The following NEDD4L variants were observed in gnomAD, a reference collection of about 807,000 sequenced individuals.
NEDD4L encodes NEDD4 like E3 ubiquitin protein ligase, also known as E3 ubiquitin-protein ligase NEDD4-like.
Under a neutral mutation model 148.9 loss-of-function variants are expected in NEDD4L, and 54 were observed. That is an observed-to-expected ratio of 0.36 (90% CI 0.29 to 0.45). The LOEUF (loss-of-function observed/expected upper bound fraction) is 0.45. NEDD4L is among the 20% of genes least tolerant of loss of function. The pLI is 1.00. For synonymous variants in NEDD4L, 433 were observed against 440.7 expected, an observed-to-expected ratio of 0.98 and a Z score of 0.22; for missense variants, 856 against 1,233.8, an observed-to-expected ratio of 0.69 and a Z score of 4.59.
chr18:58,051,947 T>C (rs1159068552), intron 1 of NEDD4L, among the ~76,000 whole-genome samples: 3 of 152,216 alleles, frequency 2.0e-5, no homozygotes, highest in African/African-American at 4.8e-5. Flanking sequence ...ATTTCAAATG[T>C]ATTTCATTTT....
At chr18:58,132,849 A>G (rs981450367) in intron 1 of NEDD4L, among the ~76,000 whole-genome samples, 2 of 152,196 alleles carry the variant, frequency 1.3e-5, no homozygotes, top group South Asian at 4.1e-4. Flanking sequence ...TTCAAATGCA[A>G]TGGATGGAAA....
chr18:58,291,161 GTCACACAGAGAACCAGGCCGACCAA>G (rs1323642044), intron 5 of NEDD4L, among the ~76,000 whole-genome samples: 10 of 150,128 alleles, frequency 6.7e-5, no homozygotes, highest in African/African-American at 2.5e-4. Context: ...AGCCCACATG[GTCACACAGAGAACCAGGCCGACCAA>G]CCCACATGGT....
intron 18 of NEDD4L, among the ~76,000 whole-genome samples, chr18:58,355,788 A>C (rs961493725): frequency 1.4e-5 from 2 of 147,658 alleles, no homozygotes; most frequent in African/African-American, 5.0e-5. Context: ...TAGAATCATC[A>C]CTTGCTTTGG....
At chr18:58,361,607 T>C (rs1182016343) in intron 19 of NEDD4L, among the ~76,000 whole-genome samples, 1 of 152,190 alleles carries the variant, frequency 6.6e-6, no homozygotes, top group East Asian at 1.9e-4. Flanking sequence ...GATGCGCTGG[T>C]GTCACTGATG....
At chr18:58,094,187 T>C (rs7240364) in intron 1 of NEDD4L, among the ~76,000 whole-genome samples, 4,077 of 151,812 alleles carry the variant, frequency 0.027, 187 homozygotes, top group African/African-American at 0.092. Context: ...TTTTTAATTT[T>C]TCTTTTCTTT....
At chr18:58,356,132 A>G (rs543489410) in intron 18 of NEDD4L, among the ~76,000 whole-genome samples, 13 of 151,046 alleles carry the variant, frequency 8.6e-5, no homozygotes, top group African/African-American at 3.2e-4. Context: ...TTTTTTTTTA[A>G]CCTTTTGTAG....
At chr18:58,142,296 C>A (rs2033636995) in intron 1 of NEDD4L, among the ~76,000 whole-genome samples, 1 of 151,256 alleles carries the variant, frequency 6.6e-6, no homozygotes. Flanking sequence ...GATCCACCTG[C>A]CTCGACCTCC....
intron 2 of NEDD4L, among the ~76,000 whole-genome samples, chr18:58,223,493 T>G (rs1599876551): frequency 6.6e-6 from 1 of 152,214 alleles, no homozygotes; most frequent in African/African-American, 2.4e-5. Context: ...GGAGCTTTTG[T>G]GGTCTTGACG....
intron 5 of NEDD4L, among the ~76,000 whole-genome samples, chr18:58,314,165 C>G (rs1049289428): frequency 6.6e-6 from 1 of 152,080 alleles, no homozygotes; most frequent in Admixed American, 6.6e-5. Flanking sequence ...ACCTGTAATC[C>G]TAGCACTTTG....
rs1383860213 is a variant in NEDD4L at position 58,395,185 on chromosome 18, A to G, written c.2826-982A>G. ...TCTTACGTCATAATGAGCTGTGGCA[A>G]GTGTGCATGCCATTTTCATGACAGA... On this transcript the variant is annotated intron_variant, in intron 30 of 30. Coordinates refer to ENST00000400345, the MANE Select transcript of NEDD4L (RefSeq NM_001144967.3). Among the ~76,000 whole-genome samples, 3 of 152,190 alleles carry G rather than the reference A, an allele frequency of 2.0e-5. No individual in the cohort carries two copies. In the South Asian group the frequency reaches 6.2e-4, roughly 32 times the overall value.
chr18:58,142,219 T>A (rs550966518), intron 1 of NEDD4L, among the ~76,000 whole-genome samples: 20 of 129,438 alleles, frequency 1.5e-4, no homozygotes, highest in African/African-American at 5.2e-4. Context: ...GCTAATTTTT[T>A]TTTTATTTTT....
chr18:58,370,337 G>T (rs899874793), intron 22 of NEDD4L, 60 bp from the exon 23 acceptor site: 6 of 1,005,322 alleles, frequency 6.0e-6, no homozygotes, highest in South Asian at 1.3e-5. Context: ...TTTCTTTCAT[G>T]CTCTGATACA....
intron 19 of NEDD4L, among the ~76,000 whole-genome samples, chr18:58,363,132 T>C (rs1287467896): frequency 6.6e-6 from 1 of 152,180 alleles, no homozygotes; most frequent in Admixed American, 6.5e-5. Flanking sequence ...AGCAAAACAC[T>C]GACGTGCTCA....
At chr18:58,050,864 T>A in intron 1 of NEDD4L, among the ~76,000 whole-genome samples, 1 of 152,204 alleles carries the variant, frequency 6.6e-6, no homozygotes, top group East Asian at 1.9e-4. Flanking sequence ...CAGAATGCAA[T>A]TCAAATGAAA....
intron 13 of NEDD4L, among the ~76,000 whole-genome samples, chr18:58,338,223 C>T (rs945492217): frequency 6.6e-5 from 10 of 152,208 alleles, no homozygotes; most frequent in East Asian, 3.8e-4. Context: ...TAAACTAAGT[C>T]GCCATTTCTA....
chr18:58,322,406 T>G lies in NEDD4L; in HGVS notation c.349-19T>G, dbSNP rs756993669. 4 of 1,553,178 alleles carry G rather than the reference T, an allele frequency of 2.6e-6. No homozygotes were observed. The South Asian group carries it at 3.4e-5, about 13-fold the overall frequency. On this transcript the variant is annotated intron_variant, in intron 6 of 30. Transcript: ENST00000400345. ...TTATTAGGAATATTAAAATTTAATTTACTGTTTTTTCCCCACAGACAGAAG... is the reference window on the plus strand; with the variant it reads ...TTATTAGGAATATTAAAATTTAATTGACTGTTTTTTCCCCACAGACAGAAG...
intron 6 of NEDD4L, among the ~76,000 whole-genome samples, chr18:58,318,597 T>C (rs1244309240): frequency 6.6e-6 from 1 of 152,264 alleles, no homozygotes; most frequent in Non-Finnish European, 1.5e-5. Context: ...TAGCTGTAAC[T>C]GTACCATCAT....
intron 5 of NEDD4L, among the ~76,000 whole-genome samples, chr18:58,288,658 G>A (rs571343870): frequency 1.6e-4 from 25 of 152,302 alleles, no homozygotes; most frequent in Middle Eastern, 6.8e-3. Context: ...TGTGATGGAT[G>A]CTGACCAAAT....
chr18:58,351,136 C>G (rs2145609872), intron 18 of NEDD4L, 91 bp downstream of exon 18: 1 of 1,539,110 alleles, frequency 6.5e-7, no homozygotes, highest in Non-Finnish European at 8.8e-7. Context: ...TCATTTTACT[C>G]TTTATCTAGG....
Sources: allele counts gnomAD v4.1 joint callset (sites outside exome capture counted in the v4.1 genomes callset), GRCh38; gene constraint gnomAD v4.1.1; transcripts MANE v1.5; gene names NCBI Gene and HGNC (gene_info 2026-07-23, HGNC 2026-07-21).